The following FTCDNL1 variants were observed in gnomAD, a reference collection of about 807,000 sequenced individuals.
FTCDNL1 encodes the protein formiminotransferase N-terminal subdomain-containing protein.
Under a neutral mutation model 5.9 loss-of-function variants are expected in FTCDNL1, and 11 were observed. That is an observed-to-expected ratio of 1.87 (90% CI 1.18 to 3.10). FTCDNL1 has a LOEUF of 3.10. Among genes scored for constraint, FTCDNL1 ranks in the 30% most tolerant of loss-of-function variants. FTCDNL1 has a pLI of 0.00. For synonymous variants in FTCDNL1, 58 were observed against 24.8 expected (o/e 2.34, Z -3.99); for missense variants, 115 against 65.5 (o/e 1.76, Z -2.61).
chr2:199,690,391 C>T, the FTCDNL1 span, among the ~76,000 whole-genome samples: 3 of 152,220 alleles, frequency 2.0e-5, no homozygotes, highest in Non-Finnish European at 4.4e-5. Flanking sequence ...GCCCCTGCAT[C>T]CTCAAGGCCT....
chr2:199,748,640 T>A, the FTCDNL1 span, among the ~76,000 whole-genome samples: 1 of 152,186 alleles, frequency 6.6e-6, no homozygotes, highest in Non-Finnish European at 1.5e-5. Flanking sequence ...CCGTTATCTA[T>A]ACTATTAGCG....
intron 3 of FTCDNL1, among the ~76,000 whole-genome samples, chr2:199,795,626 T>C (rs1700135713): frequency 6.6e-6 from 1 of 152,144 alleles, no homozygotes; most frequent in Non-Finnish European, 1.5e-5. Context: ...GATCAACAAA[T>C]ATTTATTAAA....
chr2:199,776,920 A>ATATC (rs983697169), intron 3 of FTCDNL1, among the ~76,000 whole-genome samples: 2 of 146,192 alleles, frequency 1.4e-5, no homozygotes, highest in Non-Finnish European at 3.0e-5. Flanking sequence ...GTGTATGTAT[A>ATATC]TATATATACA....
At chr2:199,698,621 A>G in the FTCDNL1 span, among the ~76,000 whole-genome samples, 6 of 152,324 alleles carry the variant, frequency 3.9e-5, no homozygotes, top group East Asian at 1.2e-3. Context: ...GGACACAGCT[A>G]AAGCAGTGTT....
the FTCDNL1 span, among the ~76,000 whole-genome samples, chr2:199,703,414 T>C: frequency 6.6e-6 from 1 of 152,198 alleles, no homozygotes; most frequent in Admixed American, 6.5e-5. Context: ...AAAAGAGGAA[T>C]GTTAGATACT....
At chr2:199,751,248 A>G in the FTCDNL1 span, among the ~76,000 whole-genome samples, 1 of 152,256 alleles carries the variant, frequency 6.6e-6, no homozygotes, top group Non-Finnish European at 1.5e-5. Context: ...GAAGAGCTCA[A>G]TGAATTTGGA....
At chr2:199,833,833 C>A in intron 3 of FTCDNL1, among the ~76,000 whole-genome samples, 1 of 152,302 alleles carries the variant, frequency 6.6e-6, no homozygotes, top group South Asian at 2.1e-4. Context: ...CTGCCCTCCC[C>A]CTTTTCATAT....
intron 1 of FTCDNL1, 36 bp from the exon 2 acceptor site, chr2:199,849,005 G>A (rs1367678093): frequency 7.3e-6 from 5 of 683,094 alleles, no homozygotes; most frequent in Non-Finnish European, 1.3e-5. Flanking sequence ...TGTCTCTAGA[G>A]TTGATTCATA....
chr2:199,834,959 A>G (rs1002887749), intron 3 of FTCDNL1, among the ~76,000 whole-genome samples: 1 of 152,198 alleles, frequency 6.6e-6, no homozygotes, highest in African/African-American at 2.4e-5. Flanking sequence ...GGATCACTTG[A>G]GGCCAGGAGT....
intron 3 of FTCDNL1, among the ~76,000 whole-genome samples, chr2:199,837,932 A>G (rs1354234621): frequency 1.3e-5 from 2 of 152,128 alleles, no homozygotes; most frequent in Admixed American, 1.3e-4. Flanking sequence ...TATGGTCTAG[A>G]CTCTTGCAGC....
chr2:199,810,303 A>T lies in FTCDNL1; in HGVS notation c.*2402T>A, dbSNP rs1700965535. Among the ~76,000 whole-genome samples the T allele has an allele frequency of 6.6e-6, 1 of 152,204 alleles. No homozygotes were observed. The highest frequency in any genetic ancestry group is 6.5e-5 in the Admixed American group (1 of 15,286). On this transcript the variant is annotated 3_prime_UTR_variant, in exon 5 of 5. Coordinates refer to ENST00000420128, the MANE Select transcript of FTCDNL1 (RefSeq NM_001363886.2). ...TTAATATCAGATTAAAATGAATCTC[A>T]AAACCAGTCTTAATTAGGGAAAGAG...
At chr2:199,705,067 C>T in the FTCDNL1 span, among the ~76,000 whole-genome samples, 1 of 152,040 alleles carries the variant, frequency 6.6e-6, no homozygotes, top group Non-Finnish European at 1.5e-5. Flanking sequence ...AAATGACAGC[C>T]CAGAGGCCAG....
the FTCDNL1 span, among the ~76,000 whole-genome samples, chr2:199,749,198 A>G: frequency 2.0e-5 from 3 of 152,260 alleles, no homozygotes; most frequent in Admixed American, 6.5e-5. Flanking sequence ...CCTTCTCACA[A>G]TGACAACATG....
the FTCDNL1 span, among the ~76,000 whole-genome samples, chr2:199,742,949 G>A: frequency 6.6e-6 from 1 of 152,206 alleles, no homozygotes; most frequent in Non-Finnish European, 1.5e-5. Context: ...GGTTCTTGGG[G>A]AAAATAAGCG....
chr2:199,691,267 G>A, the FTCDNL1 span, among the ~76,000 whole-genome samples: 1 of 152,152 alleles, frequency 6.6e-6, no homozygotes, highest in African/African-American at 2.4e-5. Flanking sequence ...CCGCCTCCCG[G>A]GTTCAAGTGA....
At chr2:199,664,104 A>G in the FTCDNL1 span, among the ~76,000 whole-genome samples, 1 of 152,160 alleles carries the variant, frequency 6.6e-6, no homozygotes, top group Non-Finnish European at 1.5e-5. Flanking sequence ...AAGTGTAAAA[A>G]TAAATATAAG....
intron 3 of FTCDNL1, among the ~76,000 whole-genome samples, chr2:199,839,389 G>A (rs981994646): frequency 3.9e-5 from 6 of 152,156 alleles, no homozygotes; most frequent in African/African-American, 7.2e-5. Context: ...GCAAGTAGAC[G>A]AAATTCACCA....
chr2:199,701,360 A>C, the FTCDNL1 span, among the ~76,000 whole-genome samples: 5 of 144,910 alleles, frequency 3.5e-5, no homozygotes, highest in Admixed American at 7.0e-5. Flanking sequence ...AAACCACCGC[A>C]TGCTGGCAAG....
intron 3 of FTCDNL1, among the ~76,000 whole-genome samples, chr2:199,786,909 A>T (rs1168450496): frequency 6.6e-6 from 1 of 152,194 alleles, no homozygotes; most frequent in East Asian, 1.9e-4. Flanking sequence ...CCTGGGCTCC[A>T]TTCCTCTATG....
Sources: gnomAD v4.1 joint callset for allele counts (sites outside exome capture counted in the v4.1 genomes callset) on GRCh38, gnomAD v4.1.1 for gene constraint, MANE v1.5 for transcripts, NCBI Gene and HGNC (gene_info 2026-07-23, HGNC 2026-07-21) for gene names.